FBRSL1: variants seen among roughly 807,000 people sequenced by gnomAD.
FBRSL1 encodes the protein fibrosin-1-like protein.
In FBRSL1, 51 loss-of-function variants were observed where a neutral mutation model predicts 89.6. The ratio of observed to expected loss-of-function variants is 0.57; its 90% CI spans 0.45 to 0.72. FBRSL1 has a LOEUF of 0.72. Ranked by LOEUF, FBRSL1 falls within the 30% of genes least tolerant of loss-of-function variation. The pLI, the probability that FBRSL1 is intolerant of heterozygous loss-of-function variation, is 0.00. For missense variants in FBRSL1, 1,618 were observed against 1,451.8 expected (o/e 1.11, Z -1.86); for synonymous variants, 779 against 681.1 (o/e 1.14, Z -2.24).
chr12:132,564,656 C>T lies in FBRSL1; in HGVS notation c.646-2825C>T, dbSNP rs1018531657. Among the ~76,000 whole-genome samples, 15 of 105,152 alleles carry T rather than the reference C, an allele frequency of 1.4e-4. 3 individuals are homozygous for T. Among genetic ancestry groups the T allele is most frequent in the African/African-American group, 2.3e-4 (5 of 21,636 alleles). The allele number at this position is 105,152 out of a possible 152,430, so 69.0% of individuals were successfully genotyped here. On this transcript the variant is annotated intron_variant, in intron 5 of 18. Coordinates refer to ENST00000680143, the MANE Select transcript of FBRSL1 (RefSeq NM_001367871.1). ...GACTACAGGCGCCCGCCACCACGCCCGGCTAATTTTTTGTATTTTTAGTAG... is the reference window on the plus strand; with the variant it reads ...GACTACAGGCGCCCGCCACCACGCCTGGCTAATTTTTTGTATTTTTAGTAG...
chr12:132,566,838 T>C (rs567737411), intron 5 of FBRSL1, among the ~76,000 whole-genome samples: 6 of 150,654 alleles, frequency 4.0e-5, no homozygotes, highest in Non-Finnish European at 8.9e-5. Flanking sequence ...CAGCACATAA[T>C]GCAGTGTCCT....
Position 132,572,259 on chromosome 12 carries a change from G to A in FBRSL1, c.1378-29G>A, listed in dbSNP as rs1375717672. ...CCCAGCAACGGTGTCGTGTGTGCGGGGCCTCACCCTCCTCTCCTTCCCTTC... is the reference window on the plus strand; with the variant it reads ...CCCAGCAACGGTGTCGTGTGTGCGGAGCCTCACCCTCCTCTCCTTCCCTTC... On this transcript the variant is annotated intron_variant, in intron 9 of 18. Transcript: ENST00000680143. 1.9e-6 allele frequency: 3 copies of A among 1,548,638 alleles called. No homozygotes were observed. The South Asian group carries it at 3.6e-5, about 18-fold the overall frequency.
At chr12:132,491,320 A>T (rs1170336991) in intron 1 of FBRSL1, among the ~76,000 whole-genome samples, 1 of 152,182 alleles carries the variant, frequency 6.6e-6, no homozygotes, top group Non-Finnish European at 1.5e-5. Flanking sequence ...AGGAGGGTTA[A>T]TCTCAAGACC....
At chr12:132,576,766 G>C (rs1186586031) in intron 14 of FBRSL1, 33 bp from the exon 15 acceptor site, 9 of 1,541,160 alleles carry the variant, frequency 5.8e-6, no homozygotes, top group Non-Finnish European at 7.0e-6. Context: ...CCAGTCCCCG[G>C]GCAGGCGGCC....
At chr12:132,530,712 GTGGGGGGTGGGGC>G (rs1436151667) in intron 4 of FBRSL1, among the ~76,000 whole-genome samples, 1 of 145,792 alleles carries the variant, frequency 6.9e-6, no homozygotes, top group Non-Finnish European at 1.5e-5. Context: ...AGATGGCGGG[GTGGGGGGTGGGGC>G]TGGGGGGTGG....
rs1475050564 is a variant in FBRSL1, at chr12:132,546,112, G to A, written c.616-1891G>A. ...CTGGCATGTTCCTCCCCTCCCCTGCGCTCCCCGCAGGAGCTTGTGGCTTTC... is the reference window on the plus strand; with the variant it reads ...CTGGCATGTTCCTCCCCTCCCCTGCACTCCCCGCAGGAGCTTGTGGCTTTC... On this transcript the variant is annotated intron_variant, in intron 4 of 18. Transcript: ENST00000680143. This position sits in a 1 kb window ranked among gnomAD's most constrained non-coding sequence, Gnocchi z 4.0. Among the ~76,000 whole-genome samples, 1 of 152,190 alleles carries A rather than the reference G, an allele frequency of 6.6e-6. No individual in the cohort carries two copies. The highest frequency in any genetic ancestry group is 1.5e-5 in the Non-Finnish European group (1 of 68,034).
intron 1 of FBRSL1, among the ~76,000 whole-genome samples, chr12:132,498,932 G>A (rs993565479): frequency 6.6e-6 from 1 of 152,214 alleles, no homozygotes; most frequent in African/African-American, 2.4e-5. Flanking sequence ...GCCAGGTCCC[G>A]TGGCCACCTG....
Position 132,525,666 on chromosome 12 carries a change from C to T in FBRSL1, c.490-68C>T, listed in dbSNP as rs1439548482. On this transcript the variant is annotated intron_variant, in intron 2 of 18. Coordinates refer to ENST00000680143, the MANE Select transcript of FBRSL1 (RefSeq NM_001367871.1). The stretch of plus-strand genomic sequence containing the variant: ...GCCGGGAGCAGGCATGTAGCCCTAG[C>T]CAGGGGGCCCCGATGCGGACGCGGT... 7 of 1,354,340 alleles carry T rather than the reference C, an allele frequency of 5.2e-6. No homozygotes were observed. The African/African-American group carries it at 1.0e-4, about 20-fold the overall frequency. 83.9% of individuals were successfully genotyped at this position (1,354,340 alleles called of 1,614,324 possible). A position where few individuals can be genotyped will look rare whatever the true frequency, so the allele number is the denominator to read the frequency against.
chr12:132,503,345 G>T (rs1388781709), intron 1 of FBRSL1, among the ~76,000 whole-genome samples: 1 of 152,264 alleles, frequency 6.6e-6, no homozygotes, highest in African/African-American at 2.4e-5. Flanking sequence ...CGACCTGGAG[G>T]CCTCTGGAAC....
chr12:132,515,845 A>G (rs2034788253), intron 2 of FBRSL1, among the ~76,000 whole-genome samples: 1 of 142,790 alleles, frequency 7.0e-6, no homozygotes, highest in Admixed American at 7.4e-5. Context: ...GGTTGCAGTG[A>G]GCTGAGATCA....
intron 5 of FBRSL1, among the ~76,000 whole-genome samples, chr12:132,564,076 T>C (rs1002666756): frequency 3.3e-5 from 5 of 152,160 alleles, no homozygotes; most frequent in Non-Finnish European, 7.3e-5. Flanking sequence ...CTTTGGCTCC[T>C]GTGATGTTTC....
intron 3 of FBRSL1, 149 bp downstream of exon 3, chr12:132,525,972 G>A (rs549387004): frequency 1.2e-4 from 77 of 642,300 alleles, no homozygotes; most frequent in Middle Eastern, 4.4e-4. Flanking sequence ...CCCCCTGCCC[G>A]CTGCACCCTG....
Position 132,583,910 on chromosome 12 carries a change from G to T in FBRSL1, c.*132G>T, listed in dbSNP as rs967028771. 9 of 373,752 alleles carry T rather than the reference G, an allele frequency of 2.4e-5. No individual in the cohort carries two copies. The highest frequency in any genetic ancestry group is 1.7e-4 in the African/African-American group (8 of 46,226). 23.2% of individuals were successfully genotyped at this position (373,752 alleles called of 1,614,324 possible). A position where few individuals can be genotyped will look rare whatever the true frequency, so the allele number is the denominator to read the frequency against. On this transcript the variant is annotated 3_prime_UTR_variant, in exon 19 of 19. Transcript: ENST00000680143. ...TCTCCACCCGCAGCCTGCGGAGGCG[G>T]GGACTTGGGTGTCGGCTTTTCTGAG...
At chr12:132,581,123 T>C in intron 15 of FBRSL1, 1 of 985,462 alleles carries the variant, frequency 1.0e-6, no homozygotes, top group Non-Finnish European at 1.2e-6. Context: ...TCAAGGTGCA[T>C]GTTACTTGGA....
chr12:132,501,973 C>A (rs1275353870), intron 1 of FBRSL1, among the ~76,000 whole-genome samples: 2 of 152,230 alleles, frequency 1.3e-5, no homozygotes, highest in Admixed American at 6.5e-5. Context: ...AATCTAAATC[C>A]AAATGACTTG....
chr12:132,502,897 C>A (rs536300203), intron 1 of FBRSL1, among the ~76,000 whole-genome samples: 1 of 149,586 alleles, frequency 6.7e-6, no homozygotes, highest in Non-Finnish European at 1.5e-5. Flanking sequence ...TCCTGTCCAC[C>A]TGCCGTGCCC....
chr12:132,569,484 C>T (rs7306376), intron 6 of FBRSL1, among the ~76,000 whole-genome samples: 37,797 of 152,076 alleles, frequency 0.25, 5,078 homozygotes, highest in South Asian at 0.34. Flanking sequence ...GAGGGCACAT[C>T]CAGGGGCCGT....
intron 4 of FBRSL1, among the ~76,000 whole-genome samples, chr12:132,533,771 G>C (rs1198377110): frequency 6.6e-6 from 1 of 152,262 alleles, no homozygotes; most frequent in African/African-American, 2.4e-5. Context: ...GCACTGGGTT[G>C]TGAGGAGCAC....
chr12:132,490,716 T>A lies in FBRSL1; in HGVS notation c.146T>A (p.Leu49His). The A allele has an allele frequency of 1.0e-6, 1 of 984,664 alleles. No individual in the cohort carries two copies. Among genetic ancestry groups the A allele is most frequent in the South Asian group, 4.4e-5 (1 of 22,582 alleles). The allele number at this position is 984,664 out of a possible 1,614,324, so 61.0% of individuals were successfully genotyped here. The change falls in exon 1 of 19, where the codon CTC (leucine) becomes CAC (histidine). Residue 49 changes from leucine to histidine, a missense_variant. Physicochemically the swap from Leu to His is moderately conservative, Grantham distance 99 (BLOSUM62 -3). Transcript: ENST00000680143. Reference protein sequence around the residue: ...EPSPGKENAGLRGAPPRGAAP... With the variant: ...EPSPGKENAGHRGAPPRGAAP... ...AGCCCCGGCAAGGAGAACGCGGGCCTCCGCGGCGCGCCCCCCCGAGGCGCC... is the reference window on the plus strand; with the variant it reads ...AGCCCCGGCAAGGAGAACGCGGGCCACCGCGGCGCGCCCCCCCGAGGCGCC...
Sources: gnomAD v4.1 joint callset for allele counts (sites outside exome capture counted in the v4.1 genomes callset) on GRCh38, gnomAD v4.1.1 for gene constraint, Gnocchi (gnomAD v3.1) non-coding constraint, MANE v1.5 for transcripts, NCBI Gene and HGNC (gene_info 2026-07-23, HGNC 2026-07-21) for gene names.